The following IRAK2 variants were observed in gnomAD, a reference collection of about 807,000 sequenced individuals.
IRAK2 encodes the protein interleukin-1 receptor-associated kinase-like 2.
Under a neutral mutation model 72.0 loss-of-function variants are expected in IRAK2, and 57 were observed. The observed-to-expected ratio is 0.79, with a 90% CI of 0.64 to 0.99. IRAK2 has a LOEUF of 0.99. Ranked by LOEUF, IRAK2 falls within the 50% of genes least tolerant of loss-of-function variation. IRAK2 has a pLI of 0.00. For synonymous variants in IRAK2, 293 were observed against 312.7 expected, an observed-to-expected ratio of 0.94 and a Z score of 0.67; for missense variants, 790 against 794.4, an observed-to-expected ratio of 0.99 and a Z score of 0.07.
chr3:10,205,013 T>C (rs1396194749), intron 3 of IRAK2, among the ~76,000 whole-genome samples: 1 of 152,164 alleles, frequency 6.6e-6, no homozygotes, highest in Non-Finnish European at 1.5e-5. Flanking sequence ...TTTTAAAACA[T>C]TTTTATATGA....
At chr3:10,183,683 T>C (rs1463896733) in intron 2 of IRAK2, among the ~76,000 whole-genome samples, 2 of 152,006 alleles carry the variant, frequency 1.3e-5, no homozygotes, top group Admixed American at 6.6e-5. Context: ...ATGGCACCAC[T>C]GCACTCCAGC....
At chr3:10,183,709 G>C (rs2125144896) in intron 2 of IRAK2, among the ~76,000 whole-genome samples, 1 of 147,850 alleles carries the variant, frequency 6.8e-6, no homozygotes, top group South Asian at 2.1e-4. Flanking sequence ...GGCAGAGCGA[G>C]ACTCCGTCTC....
chr3:10,210,872 G>GT (rs1278570796), intron 4 of IRAK2, among the ~76,000 whole-genome samples: 4 of 151,838 alleles, frequency 2.6e-5, no homozygotes, highest in Admixed American at 6.6e-5. Context: ...TTGTTTTTGT[G>GT]TTTTTTTTGA....
chr3:10,195,785 A>G (rs1418466312), intron 2 of IRAK2, among the ~76,000 whole-genome samples: 1 of 152,166 alleles, frequency 6.6e-6, no homozygotes, highest in Non-Finnish European at 1.5e-5. Flanking sequence ...AAGTGACTTC[A>G]GCGAGCCCAG....
intron 2 of IRAK2, among the ~76,000 whole-genome samples, chr3:10,181,970 CTT>C (rs376518112): frequency 4.9e-4 from 65 of 131,774 alleles, no homozygotes; most frequent in Admixed American, 6.8e-4. Flanking sequence ...TTTTTCTTTT[CTT>C]TTTTTTTTTT....
chr3:10,185,291 CT>C (rs1697055589), intron 2 of IRAK2, among the ~76,000 whole-genome samples: 1 of 150,876 alleles, frequency 6.6e-6, no homozygotes, highest in African/African-American at 2.5e-5. Flanking sequence ...GGCGCGGTGG[CT>C]CATGCATGTA....
chr3:10,176,807 C>CT (rs1324368883), intron 1 of IRAK2, among the ~76,000 whole-genome samples: 1 of 143,910 alleles, frequency 6.9e-6, no homozygotes, highest in Non-Finnish European at 1.5e-5. Flanking sequence ...GAGACAGGGT[C>CT]TTTTTTTTGT....
chr3:10,233,895 C>T (rs1051265800), intron 10 of IRAK2, among the ~76,000 whole-genome samples: 1 of 152,136 alleles, frequency 6.6e-6, no homozygotes, highest in Admixed American at 6.6e-5. Flanking sequence ...GTCACCTAGG[C>T]TGGAGTGCAG....
chr3:10,236,429 C>G (rs1202053243), intron 11 of IRAK2, among the ~76,000 whole-genome samples: 2 of 147,254 alleles, frequency 1.4e-5, no homozygotes, highest in Admixed American at 7.0e-5. Context: ...CTCACTGCAA[C>G]CTCCACTTTC....
At chr3:10,193,142 C>T (rs1362143805) in intron 2 of IRAK2, among the ~76,000 whole-genome samples, 8 of 152,042 alleles carry the variant, frequency 5.3e-5, no homozygotes, top group African/African-American at 1.7e-4. Context: ...ACAGGCATTC[C>T]GAAAACAAAT....
chr3:10,200,522 T>C lies in IRAK2; in HGVS notation c.424+7T>C. ...GCCACCTTTCCAGGCCCAGGTATTT[T>C]AAATTTAACTTTTTTACTTAAAGCA... On this transcript the variant is annotated splice_region_variant and intron_variant, in intron 3 of 12. Coordinates refer to ENST00000256458, the MANE Select transcript of IRAK2 (RefSeq NM_001570.4). 1.3e-6 allele frequency: 2 copies of C among 1,544,522 alleles called. No homozygotes were observed. The highest frequency in any genetic ancestry group is 2.4e-5 in the South Asian group (2 of 83,716).
At chr3:10,222,227 G>A (rs559504051) in intron 8 of IRAK2, among the ~76,000 whole-genome samples, 1 of 152,190 alleles carries the variant, frequency 6.6e-6, no homozygotes, top group African/African-American at 2.4e-5. Context: ...TACATGATCT[G>A]GGCAGGTTTA....
intron 2 of IRAK2, among the ~76,000 whole-genome samples, chr3:10,183,817 C>A (rs1697001699): frequency 2.0e-5 from 3 of 152,254 alleles, no homozygotes; most frequent in Admixed American, 2.0e-4. Flanking sequence ...CCTAGCAAAT[C>A]TGCTGGCCAG....
At chr3:10,173,088 A>G (rs1471948726) in intron 1 of IRAK2, among the ~76,000 whole-genome samples, 1 of 152,104 alleles carries the variant, frequency 6.6e-6, no homozygotes, top group Non-Finnish European at 1.5e-5. Context: ...GCTTCTGTAC[A>G]TAGAACTCAT....
chr3:10,209,825 C>G (rs1407898984), intron 4 of IRAK2, 133 bp downstream of exon 4: 1 of 479,814 alleles, frequency 2.1e-6, no homozygotes, highest in African/African-American at 2.0e-5. Context: ...CATCAAATTA[C>G]CCCAAGCTTC....
intron 2 of IRAK2, among the ~76,000 whole-genome samples, chr3:10,195,605 T>C (rs1166086834): frequency 2.0e-5 from 3 of 151,248 alleles, no homozygotes; most frequent in Non-Finnish European, 2.9e-5. Flanking sequence ...AGTATCACCC[T>C]CATCCCCGTT....
chr3:10,202,283 C>T (rs1181072081), intron 3 of IRAK2, among the ~76,000 whole-genome samples: 1 of 152,168 alleles, frequency 6.6e-6, no homozygotes, highest in African/African-American at 2.4e-5. Flanking sequence ...AGGTAATAGG[C>T]ATAGCAGTTC....
intron 6 of IRAK2, among the ~76,000 whole-genome samples, chr3:10,215,789 CAT>C (rs1409133153): frequency 2.0e-5 from 3 of 146,466 alleles, no homozygotes; most frequent in Non-Finnish European, 3.0e-5. Flanking sequence ...CACACACACA[CAT>C]ACATCTAATA....
rs1288160463 is a variant in IRAK2, at chr3:10,171,777, T to TC, written c.95-6061_95-6060insC. Among the ~76,000 whole-genome samples the TC allele has an allele frequency of 1.8e-3, 279 of 151,198 alleles. 1 individual carries two copies. Among genetic ancestry groups the TC allele is most frequent in the African/African-American group, 6.1e-3 (254 of 41,318 alleles). ...GAGCCACTGCACCCAGCCTTTTTTT[T>TC]TTTTTTGAGACGGAGTCTCACTCTG... On this transcript the variant is annotated intron_variant, in intron 1 of 12. Coordinates refer to ENST00000256458, the MANE Select transcript of IRAK2 (RefSeq NM_001570.4).
Sources: allele counts gnomAD v4.1 joint callset (sites outside exome capture counted in the v4.1 genomes callset), GRCh38; gene constraint gnomAD v4.1.1; transcripts MANE v1.5; gene names NCBI Gene and HGNC (gene_info 2026-07-23, HGNC 2026-07-21).